SDC2: variants seen among roughly 807,000 people sequenced by gnomAD.
The protein encoded by SDC2 is syndecan-2.
In SDC2, 13 loss-of-function variants were observed where a neutral mutation model predicts 22.2. The observed-to-expected ratio is 0.59, with a 90% confidence interval of 0.38 to 0.93. SDC2 has a LOEUF of 0.93. SDC2 is among the 40% of genes least tolerant of loss of function. The pLI is 0.00. For synonymous variants in SDC2, 94 were observed against 92.8 expected (o/e 1.01, Z -0.07); for missense variants, 235 against 246.8 (o/e 0.95, Z 0.32).
intron 1 of SDC2, among the ~76,000 whole-genome samples, chr8:96,519,183 T>C (rs1813455493): frequency 1.3e-5 from 2 of 152,114 alleles, no homozygotes; most frequent in Non-Finnish European, 2.9e-5. Flanking sequence ...CTCTTGTAAA[T>C]GGAGGCCGAC....
At position 96,610,318 on chromosome 8, in the gene SDC2, AG is replaced by A. The variant is rs963775466; in HGVS notation, c.*771del. 1 of 152,646 alleles carries A rather than the reference AG, an allele frequency of 6.6e-6. No homozygotes were observed. The highest frequency in any genetic ancestry group is 2.4e-5 in the African/African-American group (1 of 41,466). 9.5% of individuals were successfully genotyped at this position (152,646 alleles called of 1,614,324 possible). Reference sequence around the variant, plus strand: ...CAAAGATGTTAACAGTATTTTAAGAAGTTGCTGCAGATTCCTTTGGCCACTG... The same window carrying A: ...CAAAGATGTTAACAGTATTTTAAGAATTGCTGCAGATTCCTTTGGCCACTG... On this transcript the variant is annotated 3_prime_UTR_variant, in exon 5 of 5. Coordinates refer to ENST00000302190, the MANE Select transcript of SDC2 (RefSeq NM_002998.4).
intron 1 of SDC2, among the ~76,000 whole-genome samples, chr8:96,535,084 A>C: frequency 6.6e-6 from 1 of 151,344 alleles, no homozygotes; most frequent in Admixed American, 6.6e-5. Flanking sequence ...GCTCACTGCA[A>C]CCTCCGCCTC....
chr8:96,557,922 C>T (rs1039964155), intron 1 of SDC2, among the ~76,000 whole-genome samples: 23 of 152,110 alleles, frequency 1.5e-4, no homozygotes, highest in African/African-American at 5.1e-4. Context: ...AAAGAAGATA[C>T]ATAAGTACTG....
At chr8:96,594,607 G>A (rs534055694) in intron 2 of SDC2, among the ~76,000 whole-genome samples, 1 of 152,234 alleles carries the variant, frequency 6.6e-6, no homozygotes, top group South Asian at 2.1e-4. Context: ...GAGGATTAAG[G>A]GATTCTGGTC....
At chr8:96,506,926 G>A (rs566454593) in intron 1 of SDC2, among the ~76,000 whole-genome samples, 25 of 151,516 alleles carry the variant, frequency 1.6e-4, no homozygotes, top group East Asian at 7.8e-4. Context: ...GGAGTATGGC[G>A]TGAACCCGAG....
intron 1 of SDC2, among the ~76,000 whole-genome samples, chr8:96,589,185 C>T (rs1384584710): frequency 1.3e-5 from 2 of 152,166 alleles, no homozygotes; most frequent in African/African-American, 4.8e-5. Flanking sequence ...ATCACCATCG[C>T]TGTCCTCAAT....
intron 1 of SDC2, among the ~76,000 whole-genome samples, chr8:96,565,439 C>T (rs1214600227): frequency 6.6e-6 from 1 of 151,984 alleles, no homozygotes; most frequent in African/African-American, 2.4e-5. Context: ...TTACAGGATC[C>T]ATGTACATCT....
Position 96,546,682 on chromosome 8 carries a change from G to C in SDC2, c.61-46798G>C, listed in dbSNP as rs573667038. Among the ~76,000 whole-genome samples the C allele has an allele frequency of 6.4e-4, 98 of 152,306 alleles. 2 individuals carry two copies. In the South Asian group the frequency reaches 0.019, roughly 30 times the overall value. ...AGTGGTTTCAGCTGAAGTACACAGA[G>C]AGGGCTATGTTAACAGTAAGGAGGT... On this transcript the variant is annotated intron_variant, in intron 1 of 4. Transcript: ENST00000302190.
At chr8:96,554,658 C>G (rs1278246748) in intron 1 of SDC2, among the ~76,000 whole-genome samples, 1 of 152,176 alleles carries the variant, frequency 6.6e-6, no homozygotes, top group East Asian at 1.9e-4. Flanking sequence ...GTTGGGCACC[C>G]AGGGGTGGTT....
intron 3 of SDC2, among the ~76,000 whole-genome samples, chr8:96,603,345 C>A (rs1011945400): frequency 6.6e-6 from 1 of 152,328 alleles, no homozygotes; most frequent in Non-Finnish European, 1.5e-5. Context: ...ATTCTGTAAG[C>A]ATTAATTGAA....
rs146989730 is a variant in SDC2 at position 96,535,134 on chromosome 8, G to A, written c.60+40803G>A. Among the ~76,000 whole-genome samples, 1,154 of 152,044 alleles carry A rather than the reference G, an allele frequency of 7.6e-3. 13 individuals carry two copies. Among genetic ancestry groups the A allele is most frequent in the African/African-American group, 0.026 (1,068 of 41,480 alleles). ...AAGCAATTCTCCTGCGTCAGCCTCC[G>A]AGTAGCTGGGATTACAGGCATGTGC... On this transcript the variant is annotated intron_variant, in intron 1 of 4. Transcript: ENST00000302190.
At chr8:96,531,838 T>C (rs1430363810) in intron 1 of SDC2, among the ~76,000 whole-genome samples, 1 of 152,216 alleles carries the variant, frequency 6.6e-6, no homozygotes, top group Non-Finnish European at 1.5e-5. Flanking sequence ...TATTTATGTG[T>C]GTGTCAACCA....
chr8:96,494,929 C>T (rs560659499), intron 1 of SDC2, among the ~76,000 whole-genome samples: 6 of 152,338 alleles, frequency 3.9e-5, no homozygotes, highest in Admixed American at 3.3e-4. Context: ...ACCGACACTA[C>T]GTGGAATCGC....
At chr8:96,508,822 A>G (rs187053155) in intron 1 of SDC2, among the ~76,000 whole-genome samples, 1 of 142,262 alleles carries the variant, frequency 7.0e-6, no homozygotes, top group Admixed American at 7.0e-5. Context: ...GAGAGCAGTG[A>G]AAGTGTCTAA....
chr8:96,583,392 ATG>A (rs71267269), intron 1 of SDC2, among the ~76,000 whole-genome samples: 51 of 102,254 alleles, frequency 5.0e-4, no homozygotes, highest in African/African-American at 1.2e-3. Context: ...TATATGACAT[ATG>A]TGTGTGTGTG....
rs79034712 is a variant in SDC2, at chr8:96,577,210, G to A, written c.61-16270G>A. Among the ~76,000 whole-genome samples the A allele has an allele frequency of 2.6e-4, 40 of 152,300 alleles. No homozygotes were observed. In the East Asian group the frequency reaches 6.2e-3, roughly 24 times the overall value. ...TTATAACTTCCAGAAGTCCAGGAATGTGTCGTTTATTTGCTGAAGCTAATT... is the reference window on the plus strand; with the variant it reads ...TTATAACTTCCAGAAGTCCAGGAATATGTCGTTTATTTGCTGAAGCTAATT... On this transcript the variant is annotated intron_variant, in intron 1 of 4. Coordinates refer to ENST00000302190, the MANE Select transcript of SDC2 (RefSeq NM_002998.4).
chr8:96,606,150 G>T (rs1159363722), intron 3 of SDC2, among the ~76,000 whole-genome samples: 1 of 152,082 alleles, frequency 6.6e-6, no homozygotes, highest in Non-Finnish European at 1.5e-5. Context: ...TTGAGACAGG[G>T]TCTCACTCTG....
At chr8:96,606,781 T>C (rs567320381) in intron 3 of SDC2, among the ~76,000 whole-genome samples, 1 of 152,286 alleles carries the variant, frequency 6.6e-6, no homozygotes, top group African/African-American at 2.4e-5. Context: ...TCTGTGTAAA[T>C]AATCCTGGGG....
Position 96,576,416 on chromosome 8 carries a change from C to CTTTTTTTTT in SDC2, c.61-17051_61-17043dup, listed in dbSNP as rs71267268. Among the ~76,000 whole-genome samples the CTTTTTTTTT allele has an allele frequency of 9.9e-3, 136 of 13,794 alleles. 20 individuals are homozygous for CTTTTTTTTT. Among genetic ancestry groups the CTTTTTTTTT allele is most frequent in the African/African-American group, 0.016 (72 of 4,616 alleles). The allele number at this position is 13,794 out of a possible 152,430, so 9.0% of individuals were successfully genotyped here. ...TTTACCAGATTTGCTTTATTATTCT[C>CTTTTTTTTT]TTTTTTTTTTTTTTTTTTTTTGAGA... On this transcript the variant is annotated intron_variant, in intron 1 of 4. Transcript: ENST00000302190.
Sources: allele counts gnomAD v4.1 joint callset (sites outside exome capture counted in the v4.1 genomes callset), GRCh38; gene constraint gnomAD v4.1.1; transcripts MANE v1.5; gene names NCBI Gene and HGNC (gene_info 2026-07-23, HGNC 2026-07-21).